Variants in GATB observed in about 807,000 individuals in gnomAD.
GATB encodes the protein glutamyl-tRNA amidotransferase subunit B.
Under a neutral mutation model 62.3 loss-of-function variants are expected in GATB, and 39 were observed. The observed-to-expected ratio is 0.63, with a 90% CI of 0.48 to 0.82. GATB has a LOEUF of 0.82. GATB is among the 40% of genes least tolerant of loss of function. The pLI is 0.00. For missense variants in GATB, 670 were observed against 684.0 expected (o/e 0.98, Z 0.23); for synonymous variants, 276 against 258.9 (o/e 1.07, Z -0.63).
chr4:151,699,415 T>G (rs971496486), intron 9 of GATB, among the ~76,000 whole-genome samples: 44 of 150,898 alleles, frequency 2.9e-4, no homozygotes, highest in Admixed American at 8.6e-4. Context: ...AGTGCTGAAT[T>G]AAATAACTGA....
intron 2 of GATB, among the ~76,000 whole-genome samples, chr4:151,744,249 C>T (rs756902319): frequency 6.6e-5 from 10 of 152,120 alleles, no homozygotes; most frequent in African/African-American, 1.7e-4. Flanking sequence ...CGTGTGTGTA[C>T]GCACGTGTAT....
intron 2 of GATB, among the ~76,000 whole-genome samples, chr4:151,756,833 G>A (rs778247276): frequency 7.9e-5 from 12 of 152,136 alleles, no homozygotes; most frequent in Non-Finnish European, 1.6e-4. Context: ...AGGTACAGCT[G>A]GAGAGTCTAT....
At chr4:151,748,082 T>C (rs933080801) in intron 2 of GATB, among the ~76,000 whole-genome samples, 5 of 152,216 alleles carry the variant, frequency 3.3e-5, no homozygotes, top group Admixed American at 6.5e-5. Context: ...AAAATGGCCA[T>C]ACTGCCCAAG....
In GATB at chr4:151,712,583, A is replaced by G. The variant is rs541874265; in HGVS notation, c.763+3426T>C. On this transcript the variant is annotated intron_variant, in intron 5 of 12. Transcript: ENST00000263985. ...GCAAACAGCAGGGGCCCAAAGATGC[A>G]GTGGGTAAGGTTTGTTAAGCTATCT... Among the ~76,000 whole-genome samples the G allele has an allele frequency of 3.3e-5, 5 of 152,338 alleles. No individual in the cohort carries two copies. The South Asian group carries it at 1.0e-3, about 32-fold the overall frequency.
chr4:151,716,870 G>A lies in GATB; in HGVS notation c.640+6C>T, dbSNP rs199684898. On this transcript the variant is annotated splice_donor_region_variant and intron_variant, in intron 4 of 12. Coordinates refer to ENST00000263985, the MANE Select transcript of GATB (RefSeq NM_004564.3). ...AGGAGAAATAATGAAAACACTCCAA[G>A]CCTACCTGCCCTGTTCAAATCAATG... The A allele has an allele frequency of 6.2e-7, 1 of 1,613,646 alleles. No homozygotes were observed. Among genetic ancestry groups the A allele is most frequent in the East Asian group, 2.2e-5 (1 of 44,886 alleles).
intron 5 of GATB, among the ~76,000 whole-genome samples, chr4:151,714,317 A>G (rs1738873849): frequency 6.6e-6 from 1 of 152,192 alleles, no homozygotes; most frequent in African/African-American, 2.4e-5. Flanking sequence ...CCTAAGCTGC[A>G]GGCTCCAAGG....
intron 2 of GATB, chr4:151,719,754 C>G (rs1448521763): frequency 2.6e-6 from 1 of 388,638 alleles, no homozygotes; most frequent in African/African-American, 2.2e-5. Flanking sequence ...TGGGTCCCAC[C>G]GGGCACTTAA....
intron 11 of GATB, chr4:151,673,683 G>C (rs1737929949): frequency 6.6e-6 from 1 of 152,086 alleles, no homozygotes; most frequent in Non-Finnish European, 1.5e-5. Flanking sequence ...TGAGAAAAAG[G>C]AAACCATTTT....
intron 4 of GATB, 40 bp from the exon 5 acceptor site, chr4:151,716,171 C>A (rs1267865472): frequency 6.3e-7 from 1 of 1,580,146 alleles, no homozygotes; most frequent in East Asian, 2.3e-5. Flanking sequence ...TGCAGCTCTC[C>A]AATTTCACCA....
intron 7 of GATB, 68 bp downstream of exon 7, chr4:151,705,117 A>T: frequency 1.9e-6 from 2 of 1,031,116 alleles, no homozygotes; most frequent in East Asian, 2.4e-5. Context: ...ATGGCTGGTC[A>T]GTGGCTGAGC....
chr4:151,722,104 AAGGAATTTCCT>A, intron 2 of GATB: 2 of 670,590 alleles, frequency 3.0e-6, no homozygotes, highest in South Asian at 1.6e-5. Flanking sequence ...CCAAGAAAAA[AAGGAATTTCCT>A]AGGATCTTAG....
intron 2 of GATB, among the ~76,000 whole-genome samples, chr4:151,756,929 C>G (rs1739844595): frequency 6.6e-6 from 1 of 152,104 alleles, no homozygotes; most frequent in African/African-American, 2.4e-5. Flanking sequence ...ACATTCACAG[C>G]TGGAAAAACC....
At chr4:151,679,267 T>A (rs1292049398) in intron 11 of GATB, among the ~76,000 whole-genome samples, 1 of 152,222 alleles carries the variant, frequency 6.6e-6, no homozygotes, top group Non-Finnish European at 1.5e-5. Flanking sequence ...GGCAGAGGTA[T>A]AGACAGACAA....
intron 9 of GATB, among the ~76,000 whole-genome samples, chr4:151,691,329 C>T (rs1229221404): frequency 6.6e-6 from 1 of 152,148 alleles, no homozygotes; most frequent in Admixed American, 6.5e-5. Flanking sequence ...ATTGTTCCTT[C>T]AGAGATGGCT....
chr4:151,673,553 C>T (rs1304139328), intron 11 of GATB: 1 of 152,252 alleles, frequency 6.6e-6, no homozygotes, highest in Non-Finnish European at 1.5e-5. Flanking sequence ...TGGCCTACCA[C>T]ATTCATCTCC....
intron 2 of GATB, among the ~76,000 whole-genome samples, chr4:151,751,926 C>A (rs1296015737): frequency 6.6e-6 from 1 of 152,188 alleles, no homozygotes; most frequent in Non-Finnish European, 1.5e-5. Context: ...CCTCCTCTTC[C>A]AACGGTCTCA....
At chr4:151,757,633 C>T (rs558387814) in intron 2 of GATB, among the ~76,000 whole-genome samples, 3 of 152,148 alleles carry the variant, frequency 2.0e-5, no homozygotes, top group East Asian at 1.9e-4. Context: ...CCACCATGCC[C>T]GGCTAATTTT....
chr4:151,722,332 T>A, intron 2 of GATB: 1 of 645,780 alleles, frequency 1.5e-6, no homozygotes, highest in African/African-American at 1.8e-5. Context: ...CCTGCCAGCA[T>A]CTGCAAACCC....
At chr4:151,729,752 G>A (rs1362104582) in intron 2 of GATB, among the ~76,000 whole-genome samples, 1 of 152,100 alleles carries the variant, frequency 6.6e-6, no homozygotes, top group Admixed American at 6.5e-5. Flanking sequence ...CTTCTATCTA[G>A]GTGAGATGGT....
Sources: allele counts gnomAD v4.1 joint callset (sites outside exome capture counted in the v4.1 genomes callset), GRCh38; gene constraint gnomAD v4.1.1; transcripts MANE v1.5; gene names NCBI Gene and HGNC (gene_info 2026-07-23, HGNC 2026-07-21).